The following LOC128462377 variants were observed in gnomAD, a reference collection of about 807,000 sequenced individuals.
chr16:89,354,442 G>T, the LOC128462377 span, among the ~76,000 whole-genome samples: 698 of 152,296 alleles, frequency 4.6e-3, 4 homozygotes, highest in African/African-American at 0.016. Flanking sequence ...TGCCAGCGCA[G>T]TGCAGAGCCA....
chr16:89,336,330 A>T, the LOC128462377 span, among the ~76,000 whole-genome samples: 1 of 152,168 alleles, frequency 6.6e-6, no homozygotes, highest in South Asian at 2.1e-4. Flanking sequence ...AACTGCCCGC[A>T]CCTCCAAGAT....
the LOC128462377 span, among the ~76,000 whole-genome samples, chr16:89,411,934 C>G: frequency 6.7e-6 from 1 of 149,500 alleles, no homozygotes; most frequent in Non-Finnish European, 1.5e-5. Context: ...AGATGCCTCC[C>G]AGAGTCTCCT....
chr16:89,402,158 T>C, the LOC128462377 span, among the ~76,000 whole-genome samples: 1 of 152,176 alleles, frequency 6.6e-6, no homozygotes, highest in Admixed American at 6.5e-5. Context: ...GTGTAACTTT[T>C]AGAGTAAGGA....
At chr16:89,371,063 G>C in the LOC128462377 span, among the ~76,000 whole-genome samples, 1 of 152,182 alleles carries the variant, frequency 6.6e-6, no homozygotes, top group Non-Finnish European at 1.5e-5. Context: ...AAGGGGACTT[G>C]TTCAGGTGAG....
the LOC128462377 span, among the ~76,000 whole-genome samples, chr16:89,317,689 C>T: frequency 6.6e-6 from 1 of 152,220 alleles, no homozygotes; most frequent in South Asian, 2.1e-4. Flanking sequence ...GACGCCCCCT[C>T]GGGCCTCAGG....
At chr16:89,340,638 T>C in the LOC128462377 span, among the ~76,000 whole-genome samples, 6 of 152,362 alleles carry the variant, frequency 3.9e-5, no homozygotes, top group East Asian at 7.7e-4. Flanking sequence ...TTGCACATCA[T>C]CTTTTTTTCT....
the LOC128462377 span, among the ~76,000 whole-genome samples, chr16:89,334,819 G>A: frequency 6.6e-6 from 1 of 152,104 alleles, no homozygotes; most frequent in Non-Finnish European, 1.5e-5. Context: ...GAGTCCAGGT[G>A]GCCCACAACA....
At chr16:89,357,784 G>A in the LOC128462377 span, among the ~76,000 whole-genome samples, 173 of 152,338 alleles carry the variant, frequency 1.1e-3, 1 homozygote, top group African/African-American at 4.0e-3. Flanking sequence ...GAGTCTGGGA[G>A]GAACCACTGC....
the LOC128462377 span, among the ~76,000 whole-genome samples, chr16:89,375,136 C>T: frequency 6.6e-6 from 1 of 152,158 alleles, no homozygotes; most frequent in East Asian, 1.9e-4. Flanking sequence ...CAGTGCGGGA[C>T]ATACCACACT....
chr16:89,345,504 C>G, the LOC128462377 span, among the ~76,000 whole-genome samples: 2 of 152,222 alleles, frequency 1.3e-5, no homozygotes, highest in Admixed American at 1.3e-4. Context: ...ACCAGGCCCT[C>G]CAGTGGCCCC....
At chr16:89,324,318 A>G in the LOC128462377 span, 2 of 1,265,292 alleles carry the variant, frequency 1.6e-6, no homozygotes, top group South Asian at 1.3e-5. Flanking sequence ...GCACGGACAC[A>G]GCAGTCGGGG....
chr16:89,338,065 C>T, the LOC128462377 span, among the ~76,000 whole-genome samples: 1 of 152,210 alleles, frequency 6.6e-6, no homozygotes, highest in East Asian at 1.9e-4. Context: ...CACTGTGTCG[C>T]GCTCTGCCAC....
chr16:89,343,113 C>T, the LOC128462377 span, among the ~76,000 whole-genome samples: 792 of 152,272 alleles, frequency 5.2e-3, 9 homozygotes, highest in African/African-American at 0.018. Context: ...CTCAGCCTCC[C>T]GAGTAGCTGG....
the LOC128462377 span, among the ~76,000 whole-genome samples, chr16:89,389,689 A>G: frequency 6.6e-6 from 1 of 152,294 alleles, no homozygotes; most frequent in African/African-American, 2.4e-5. Flanking sequence ...ATGAGCAAAA[A>G]CACTGAGTGT....
chr16:89,382,162 C>T, the LOC128462377 span, among the ~76,000 whole-genome samples: 5 of 152,180 alleles, frequency 3.3e-5, no homozygotes, highest in South Asian at 1.0e-3. Context: ...TCTGCTCCCA[C>T]CCATCTCCTC....
At chr16:89,330,260 T>C in the LOC128462377 span, among the ~76,000 whole-genome samples, 1 of 152,084 alleles carries the variant, frequency 6.6e-6, no homozygotes, top group African/African-American at 2.4e-5. Context: ...ACAATGACCA[T>C]GCAGCCACCA....
At chr16:89,326,500 C>T in the LOC128462377 span, among the ~76,000 whole-genome samples, 3 of 152,064 alleles carry the variant, frequency 2.0e-5, no homozygotes, top group African/African-American at 7.2e-5. Context: ...GTCCCAGCTA[C>T]TCAGGAGGCC....
At chr16:89,363,882 C>T in the LOC128462377 span, among the ~76,000 whole-genome samples, 1 of 151,890 alleles carries the variant, frequency 6.6e-6, no homozygotes, top group Non-Finnish European at 1.5e-5. Context: ...GTGGCAAAAC[C>T]CTGTCTCTAC....
the LOC128462377 span, among the ~76,000 whole-genome samples, chr16:89,355,120 T>C: frequency 7.2e-5 from 11 of 152,192 alleles, no homozygotes; most frequent in African/African-American, 1.9e-4. Flanking sequence ...AGCTGCCCTG[T>C]GGTCTCCCGT....
Sources: gnomAD v4.1 joint callset for allele counts (sites outside exome capture counted in the v4.1 genomes callset) on GRCh38, gnomAD v4.1.1 for gene constraint, MANE v1.5 for transcripts.